The following EPB41L2 variants were observed in gnomAD, a reference collection of about 807,000 sequenced individuals.
EPB41L2 encodes the protein band 4.1-like protein 2.
Under a neutral mutation model 113.0 loss-of-function variants are expected in EPB41L2, and 43 were observed. The ratio of observed to expected loss-of-function variants is 0.38; its 90% CI spans 0.30 to 0.49. The LOEUF (loss-of-function observed/expected upper bound fraction) is 0.49, where lower values mean the gene tolerates loss of function less well. EPB41L2 is among the 20% of genes least tolerant of loss of function. The pLI, the probability that EPB41L2 is intolerant of heterozygous loss-of-function variation, is 0.95. For synonymous variants in EPB41L2, 442 were observed against 436.7 expected, an observed-to-expected ratio of 1.01 and a Z score of -0.15; for missense variants, 1,147 against 1,223.4, an observed-to-expected ratio of 0.94 and a Z score of 0.93.
At chr6:130,962,101 T>C (rs1404562308) in intron 1 of EPB41L2, among the ~76,000 whole-genome samples, 1 of 152,088 alleles carries the variant, frequency 6.6e-6, no homozygotes, top group Non-Finnish European at 1.5e-5. Flanking sequence ...CTATAGCTAT[T>C]GAAAGAGAAG....
intron 17 of EPB41L2, among the ~76,000 whole-genome samples, chr6:130,864,398 G>A (rs954103026): frequency 2.0e-5 from 3 of 152,200 alleles, no homozygotes; most frequent in Non-Finnish European, 4.4e-5. Flanking sequence ...GACACCCTGC[G>A]TAAGTAGTCA....
At chr6:130,857,495 CA>C (rs1780615268) in intron 19 of EPB41L2, among the ~76,000 whole-genome samples, 1 of 150,038 alleles carries the variant, frequency 6.7e-6, no homozygotes, top group Admixed American at 6.6e-5. Context: ...TATTTATTTC[CA>C]TTTTTACACA....
chr6:130,876,601 C>G lies in EPB41L2; in HGVS notation c.2043+1503G>C. The G allele has an allele frequency of 1.2e-5, 11 of 952,436 alleles. No individual in the cohort carries two copies. The South Asian group carries it at 1.9e-4, about 16-fold the overall frequency. 59.0% of individuals were successfully genotyped at this position (952,436 alleles called of 1,614,324 possible). Reference sequence around the variant, plus strand: ...GTATGACACACAGGAAAAAAGAAATCTTATGGCTGTGGATAGAAACAAAAG... The same window carrying G: ...GTATGACACACAGGAAAAAAGAAATGTTATGGCTGTGGATAGAAACAAAAG... On this transcript the variant is annotated intron_variant, in intron 14 of 19. Coordinates refer to ENST00000337057, the MANE Select transcript of EPB41L2 (RefSeq NM_001431.4).
rs1214468986 is a variant in EPB41L2 at position 130,955,110 on chromosome 6, G to C, written c.700C>G (p.Leu234Val). 1 of 1,613,822 alleles carries C rather than the reference G, an allele frequency of 6.2e-7. No individual in the cohort carries two copies. Among genetic ancestry groups the C allele is most frequent in the African/African-American group, 1.3e-5 (1 of 74,892 alleles). ...CACTCAGCTCCCTATCTCACCTCCA[G>C]GTCACAGCTGTATTCGGTGCCATCT... The part of the protein sequence containing the change: ...LLDGTEYSCD[L>V]EKHAKGQVLF... Residue 234 changes from leucine (L) to valine (V), a missense_variant, in exon 3 of 20, where the codon CTG (leucine) becomes GTG (valine). Transcript: ENST00000337057.
chr6:130,847,063 A>T (rs1357487283), intron 19 of EPB41L2, among the ~76,000 whole-genome samples: 3 of 152,260 alleles, frequency 2.0e-5, no homozygotes, highest in African/African-American at 7.2e-5. Context: ...AGGACATGGC[A>T]TGTAAGACCA....
intron 1 of EPB41L2, among the ~76,000 whole-genome samples, chr6:130,987,233 G>T (rs1009010351): frequency 6.6e-6 from 1 of 152,102 alleles, no homozygotes; most frequent in Non-Finnish European, 1.5e-5. Context: ...TTTCTGCTGG[G>T]CATATACTTA....
intron 1 of EPB41L2, among the ~76,000 whole-genome samples, chr6:131,019,541 A>C (rs1788981518): frequency 6.6e-6 from 1 of 152,190 alleles, no homozygotes; most frequent in Admixed American, 6.5e-5. Context: ...TTTTATTTTC[A>C]AAGACATTAT....
intron 3 of EPB41L2, among the ~76,000 whole-genome samples, chr6:130,953,943 T>C (rs1295663655): frequency 6.6e-6 from 1 of 151,858 alleles, no homozygotes; most frequent in Non-Finnish European, 1.5e-5. Context: ...TTCATGTTGT[T>C]TTTAAATTAC....
intron 1 of EPB41L2, among the ~76,000 whole-genome samples, chr6:130,986,005 A>T (rs1780460395): frequency 6.6e-6 from 1 of 152,186 alleles, no homozygotes; most frequent in Non-Finnish European, 1.5e-5. Flanking sequence ...GCCAAAAAAA[A>T]CCACCACAAG....
intron 1 of EPB41L2, among the ~76,000 whole-genome samples, chr6:131,026,400 C>A (rs1790875549): frequency 6.6e-6 from 1 of 152,222 alleles, no homozygotes; most frequent in South Asian, 2.1e-4. Context: ...TTCATACCCT[C>A]CCATCTCCTC....
At chr6:131,018,249 C>G (rs1788683220) in intron 1 of EPB41L2, among the ~76,000 whole-genome samples, 1 of 152,134 alleles carries the variant, frequency 6.6e-6, no homozygotes, top group South Asian at 2.1e-4. Context: ...TGCCGCAGCT[C>G]TAAACATTAT....
chr6:130,922,679 G>T (rs553455819), intron 4 of EPB41L2, among the ~76,000 whole-genome samples: 1 of 152,258 alleles, frequency 6.6e-6, no homozygotes, highest in South Asian at 2.1e-4. Flanking sequence ...CAGGGAAGGT[G>T]CCTGCTGCCT....
At chr6:130,960,909 T>C (rs187949125) in intron 1 of EPB41L2, among the ~76,000 whole-genome samples, 1 of 152,308 alleles carries the variant, frequency 6.6e-6, no homozygotes, top group East Asian at 1.9e-4. Flanking sequence ...ATCTCTCTTT[T>C]ATATACTGCT....
intron 14 of EPB41L2, among the ~76,000 whole-genome samples, chr6:130,873,756 G>A (rs937861251): frequency 2.0e-5 from 3 of 150,280 alleles, no homozygotes; most frequent in Middle Eastern, 3.4e-3. Context: ...GTGAGCCACC[G>A]CACCCAGTCA....
At chr6:130,978,816 G>C (rs547082327) in intron 1 of EPB41L2, 41 of 152,290 alleles carry the variant, frequency 2.7e-4, no homozygotes, top group African/African-American at 8.9e-4. Flanking sequence ...AAACAATTTA[G>C]CACTTAACAG....
rs141973198 is a variant in EPB41L2 at position 130,979,433 on chromosome 6, T to C, written c.-14-22934A>G. Among the ~76,000 whole-genome samples the C allele has an allele frequency of 6.6e-3, 963 of 145,496 alleles. 17 individuals are homozygous for C. Among genetic ancestry groups the C allele is most frequent in the African/African-American group, 0.024 (927 of 38,808 alleles). On this transcript the variant is annotated intron_variant, in intron 1 of 19. Transcript: ENST00000337057. ...TTGCTTGAACCCAGGAGGTGGAGGCTGCAGTGAGCCAAGATTGTGCCACTG... is the reference window on the plus strand; with the variant it reads ...TTGCTTGAACCCAGGAGGTGGAGGCCGCAGTGAGCCAAGATTGTGCCACTG...
chr6:130,961,318 T>C (rs528025102), intron 1 of EPB41L2, among the ~76,000 whole-genome samples: 8 of 152,344 alleles, frequency 5.3e-5, no homozygotes, highest in African/African-American at 1.9e-4. Context: ...GATAAAAGTG[T>C]TCGTCATTGT....
At chr6:130,960,021 C>A (rs539312286) in intron 1 of EPB41L2, among the ~76,000 whole-genome samples, 2 of 152,314 alleles carry the variant, frequency 1.3e-5, no homozygotes, top group African/African-American at 4.8e-5. Flanking sequence ...ATAAGGGTTT[C>A]CACTCACTGT....
chr6:131,058,947 C>CGGA lies in EPB41L2; in HGVS notation c.-15+4205_-15+4207dup, dbSNP rs574437127. ...ACGAGAATTACTTGAACTGGGAAGA[C>CGGA]GGAGGTTGCAGTGAGCCAAGATCAC... On this transcript the variant is annotated intron_variant, in intron 1 of 19. Transcript: ENST00000337057. Among the ~76,000 whole-genome samples the CGGA allele has an allele frequency of 3.6e-3, 554 of 152,044 alleles. 2 individuals are homozygous for CGGA. The highest frequency in any genetic ancestry group is 0.013 in the African/African-American group (536 of 41,516).
Sources: gnomAD v4.1 joint callset for allele counts (sites outside exome capture counted in the v4.1 genomes callset) on GRCh38, gnomAD v4.1.1 for gene constraint, MANE v1.5 for transcripts, NCBI Gene and HGNC (gene_info 2026-07-23, HGNC 2026-07-21) for gene names.